The following NT5C1A variants were observed in gnomAD, a reference collection of about 807,000 sequenced individuals.
NT5C1A encodes the protein 5'-nucleotidase, cytosolic IA.
In NT5C1A, 18 loss-of-function variants were observed where a neutral mutation model predicts 31.0. The observed-to-expected ratio is 0.58, with a 90% CI of 0.40 to 0.86. The LOEUF is 0.86. NT5C1A is among the 40% of genes least tolerant of loss of function. NT5C1A has a pLI of 0.00. For missense variants in NT5C1A, 470 were observed against 505.4 expected, an observed-to-expected ratio of 0.93 and a Z score of 0.67; for synonymous variants, 185 against 203.6, an observed-to-expected ratio of 0.91 and a Z score of 0.78.
At chr1:39,664,036 C>T (rs1646505294) in intron 3 of NT5C1A, among the ~76,000 whole-genome samples, 1 of 152,136 alleles carries the variant, frequency 6.6e-6, no homozygotes, top group Non-Finnish European at 1.5e-5. Context: ...AATATTTTTA[C>T]GATCAACCCT....
rs553032627 is a variant in NT5C1A at position 39,652,273 on chromosome 1, A to C, written c.*6848T>G. 2.6e-5 allele frequency among the ~76,000 whole-genome samples: 4 copies of C among 152,162 alleles called. No individual in the cohort carries two copies. Among genetic ancestry groups the C allele is most frequent in the Admixed American group, 2.0e-4 (3 of 15,274 alleles). On this transcript the variant is annotated 3_prime_UTR_variant, in exon 6 of 6. Coordinates refer to ENST00000235628, the MANE Select transcript of NT5C1A (RefSeq NM_032526.3). Reference sequence around the variant, plus strand: ...GGATCTCGCCTACAGAATATGTTTTATTTGGCCCAGATGGTGTTTTCTAAA... The same window carrying C: ...GGATCTCGCCTACAGAATATGTTTTCTTTGGCCCAGATGGTGTTTTCTAAA...
chr1:39,671,802 C>T (rs1486483324), intron 1 of NT5C1A, 102 bp downstream of exon 1: 3 of 1,397,076 alleles, frequency 2.1e-6, no homozygotes, highest in East Asian at 2.4e-5. Context: ...GAGCTGCGTC[C>T]CCTCCCAGAG....
rs145646843 is a variant in NT5C1A, at chr1:39,659,262, G to A, written c.966C>T (p.Arg322=). Residue 322 remains arginine, a synonymous_variant, in exon 6 of 6, where the codon CGC becomes CGT. Coordinates refer to ENST00000235628, the MANE Select transcript of NT5C1A (RefSeq NM_032526.3). Reference sequence around the variant, plus strand: ...TCTGGTCATCAAAGAAGATGTGTGGGCGGATCTTCTCAAGGAGAGGGCCCT... The same window carrying A: ...TCTGGTCATCAAAGAAGATGTGTGGACGGATCTTCTCAAGGAGAGGGCCCT... ...APKGPLLEKI[R]PHIFFDDQMF... is the part of the protein sequence containing the mutation. The A allele has an allele frequency of 7.9e-5, 128 of 1,614,154 alleles. No individual in the cohort carries two copies. The African/African-American group carries it at 1.6e-3, about 20-fold the overall frequency.
intron 4 of NT5C1A, 127 bp downstream of exon 4, chr1:39,663,185 T>C: frequency 9.9e-7 from 1 of 1,005,766 alleles, no homozygotes. Context: ...AGGAAAGTAT[T>C]GCTCAGCCTT....
chr1:39,661,269 C>T lies in NT5C1A; in HGVS notation c.557-6G>A. 2 of 1,530,870 alleles carry T rather than the reference C, an allele frequency of 1.3e-6. 1 individual carries two copies. Among genetic ancestry groups the T allele is most frequent in the South Asian group, 2.3e-5 (2 of 88,130 alleles). 94.8% of individuals were successfully genotyped at this position (1,530,870 alleles called of 1,614,324 possible). On this transcript the variant is annotated splice_region_variant and splice_polypyrimidine_tract_variant and intron_variant, in intron 4 of 5. Transcript: ENST00000235628. ...GATGGTGGCAGCTGCGATCCCTAGG[C>T]AGAGAGAGGCAAGCATTGTCTGCCT... is the stretch of plus-strand genomic sequence containing the variant.
At chr1:39,665,412 T>G in intron 3 of NT5C1A, 109 bp downstream of exon 3, 2 of 1,057,214 alleles carry the variant, frequency 1.9e-6, no homozygotes, top group Non-Finnish European at 2.6e-6. Context: ...CACACTGGAC[T>G]TGGGGTTCTG....
Position 39,652,030 on chromosome 1 carries a change from C to CAAAAAAAAAAA in NT5C1A, c.*7080_*7090dup, listed in dbSNP as rs61024293. On this transcript the variant is annotated 3_prime_UTR_variant, in exon 6 of 6. Coordinates refer to ENST00000235628, the MANE Select transcript of NT5C1A (RefSeq NM_032526.3). ...TGAGTGACAGAGCAAGACTCCGTCT[C>CAAAAAAAAAAA]AAAAAAAAAAAAAAAAAAAAAAAAA... Among the ~76,000 whole-genome samples, 11 of 37,854 alleles carry CAAAAAAAAAAA rather than the reference C, an allele frequency of 2.9e-4. 2 individuals carry two copies. In the East Asian group the frequency reaches 4.3e-3, roughly 15 times the overall value. The allele number at this position is 37,854 out of a possible 152,430, so 24.8% of individuals were successfully genotyped here.
At chr1:39,671,097 G>T (rs973887073) in intron 1 of NT5C1A, among the ~76,000 whole-genome samples, 8 of 152,178 alleles carry the variant, frequency 5.3e-5, no homozygotes, top group Admixed American at 5.2e-4. Flanking sequence ...GGACCGCTGT[G>T]GGCCAACCTC....
chr1:39,665,672 C>T, intron 2 of NT5C1A, 22 bp from the exon 3 acceptor site: 1 of 1,609,730 alleles, frequency 6.2e-7, no homozygotes, highest in African/African-American at 1.3e-5. Flanking sequence ...AGGGCACCCC[C>T]CAGCTTAGAC....
In NT5C1A at chr1:39,651,246, C is replaced by A. The variant is rs1646430687; in HGVS notation, c.*7875G>T. Among the ~76,000 whole-genome samples, 1 of 152,326 alleles carries A rather than the reference C, an allele frequency of 6.6e-6. No individual in the cohort carries two copies. Among genetic ancestry groups the A allele is most frequent in the Admixed American group, 6.5e-5 (1 of 15,302 alleles). On this transcript the variant is annotated 3_prime_UTR_variant, in exon 6 of 6. Coordinates refer to ENST00000235628, the MANE Select transcript of NT5C1A (RefSeq NM_032526.3). The stretch of plus-strand genomic sequence containing the variant: ...AACGTAAGTTAATTAAAACCCTCTC[C>A]ATTTATTTGAATGGCTTTTAAGAAG...
intron 1 of NT5C1A, among the ~76,000 whole-genome samples, chr1:39,671,235 C>T (rs1306873525): frequency 1.3e-5 from 2 of 152,210 alleles, no homozygotes; most frequent in East Asian, 1.9e-4. Context: ...AGGTCCCAGA[C>T]GGTTGACACC....
chr1:39,665,201 G>A lies in NT5C1A; in HGVS notation c.433+320C>T, dbSNP rs9438930. On this transcript the variant is annotated intron_variant, in intron 3 of 5. Coordinates refer to ENST00000235628, the MANE Select transcript of NT5C1A (RefSeq NM_032526.3). ...CAGTAACTGTCTCACCTAATCACAC[G>A]GAGAGTGGGGTGTGCTGGAGCTGGC... Among the ~76,000 whole-genome samples the A allele has an allele frequency of 3.3e-3, 498 of 152,298 alleles. 7 individuals carry two copies. Among genetic ancestry groups the A allele is most frequent in the African/African-American group, 0.011 (475 of 41,554 alleles).
intron 3 of NT5C1A, among the ~76,000 whole-genome samples, chr1:39,664,371 T>C (rs1646508012): frequency 6.8e-6 from 1 of 146,546 alleles, no homozygotes; most frequent in South Asian, 2.3e-4. Context: ...AGCAATCCAA[T>C]CTCCTGACCT....
rs1407661648 is a variant in NT5C1A at position 39,656,030 on chromosome 1, G to A, written c.*3091C>T. ...CTGATTGGGCTCTCAGATAGGAGAG[G>A]GGGATGTTTTGCAACTGGCTGAGCA... On this transcript the variant is annotated 3_prime_UTR_variant, in exon 6 of 6. Coordinates refer to ENST00000235628, the MANE Select transcript of NT5C1A (RefSeq NM_032526.3). Among the ~76,000 whole-genome samples, 2 of 152,150 alleles carry A rather than the reference G, an allele frequency of 1.3e-5. No homozygotes were observed. Among genetic ancestry groups the A allele is most frequent in the African/African-American group, 4.8e-5 (2 of 41,434 alleles).
rs1370211839 is a variant in NT5C1A, at chr1:39,658,349, T to C, written c.*772A>G. Reference sequence around the variant, plus strand: ...CATCTTGTCCAGTGGTTTCAAAATGTGTAAAATTATAGATAGAGTTGCTGG... The same window carrying C: ...CATCTTGTCCAGTGGTTTCAAAATGCGTAAAATTATAGATAGAGTTGCTGG... On this transcript the variant is annotated 3_prime_UTR_variant, in exon 6 of 6. Transcript: ENST00000235628. Among the ~76,000 whole-genome samples the C allele has an allele frequency of 6.6e-6, 1 of 152,174 alleles. No homozygotes were observed. The highest frequency in any genetic ancestry group is 1.5e-5 in the Non-Finnish European group (1 of 68,030).
At chr1:39,663,182 T>C (rs1408238291) in intron 4 of NT5C1A, 130 bp downstream of exon 4, 2 of 975,152 alleles carry the variant, frequency 2.1e-6, no homozygotes, top group East Asian at 4.8e-5. Context: ...TTAAGGAAAG[T>C]ATTGCTCAGC....
Position 39,659,307 on chromosome 1 carries a change from C to A in NT5C1A, c.921G>T (p.Leu307Phe). Reference sequence around the variant, plus strand: ...GGCCCTTGGGCGCTCCAGCAAGGAACAAGGCTTCATCTGTCTCCAGGCCCC... The same window carrying A: ...GGCCCTTGGGCGCTCCAGCAAGGAAAAAGGCTTCATCTGTCTCCAGGCCCC... ...RSWGLETDEA[L>F]FLAGAPKGPL... The change falls in exon 6 of 6, where the codon TTG becomes TTT. Residue 307 changes from leucine to phenylalanine, a missense_variant. Coordinates refer to ENST00000235628, the MANE Select transcript of NT5C1A (RefSeq NM_032526.3). 1 of 1,614,068 alleles carries A rather than the reference C, an allele frequency of 6.2e-7. No individual in the cohort carries two copies. Among genetic ancestry groups the A allele is most frequent in the East Asian group, 2.2e-5 (1 of 44,882 alleles).
At chr1:39,662,081 G>A (rs1295471312) in intron 4 of NT5C1A, among the ~76,000 whole-genome samples, 1 of 152,206 alleles carries the variant, frequency 6.6e-6, no homozygotes, top group Admixed American at 6.5e-5. Flanking sequence ...AGATGGCAGA[G>A]AGCCAGTGCT....
chr1:39,671,552 G>A (rs1646552121), intron 1 of NT5C1A, among the ~76,000 whole-genome samples: 4 of 152,330 alleles, frequency 2.6e-5, no homozygotes, highest in Middle Eastern at 3.4e-3. Context: ...CTGGTTACCC[G>A]CGCCTGGGGC....
Sources: gnomAD v4.1 joint callset for allele counts (sites outside exome capture counted in the v4.1 genomes callset) on GRCh38, gnomAD v4.1.1 for gene constraint, MANE v1.5 for transcripts, NCBI Gene and HGNC (gene_info 2026-07-23, HGNC 2026-07-21) for gene names.